KLC1: variants seen among roughly 807,000 people sequenced by gnomAD.
The protein encoded by KLC1 is kinesin 2 60/70kDa.
In KLC1, 30 loss-of-function variants were observed where a neutral mutation model predicts 84.2. The ratio of observed to expected loss-of-function variants is 0.36; its 90% CI spans 0.27 to 0.48. The LOEUF (loss-of-function observed/expected upper bound fraction) is 0.48, where lower values mean the gene tolerates loss of function less well. Among genes scored for constraint, KLC1 ranks in the 20% least tolerant of loss-of-function variants. KLC1 has a pLI of 0.99. For missense variants in KLC1, 499 were observed against 805.4 expected, an observed-to-expected ratio of 0.62 and a Z score of 4.60; for synonymous variants, 289 against 293.3, an observed-to-expected ratio of 0.99 and a Z score of 0.15.
intron 14 of KLC1, among the ~76,000 whole-genome samples, chr14:103,691,934 C>T (rs961629158): frequency 1.3e-5 from 2 of 151,852 alleles, no homozygotes; most frequent in African/African-American, 4.8e-5. Flanking sequence ...CCACGCCTGG[C>T]TAATTTTTGT....
In KLC1 at chr14:103,630,661, GCTT is replaced by G. The variant is rs373886469; in HGVS notation, c.-2+1171_-2+1173del. On this transcript the variant is annotated intron_variant, in intron 1 of 16. Transcript: ENST00000334553. ...GAAGTTATATTACAGACATGGCCTT[GCTT>G]CTTTCAGGGATTGTCAGCAAGCCTG... Among the ~76,000 whole-genome samples the G allele has an allele frequency of 5.1e-3, 773 of 152,264 alleles. 11 individuals carry two copies. Among genetic ancestry groups the G allele is most frequent in the African/African-American group, 0.017 (719 of 41,546 alleles).
intron 1 of KLC1, among the ~76,000 whole-genome samples, chr14:103,633,361 G>T (rs1349361682): frequency 6.6e-6 from 1 of 152,074 alleles, no homozygotes; most frequent in Non-Finnish European, 1.5e-5. Context: ...CTGGCCGGAG[G>T]GTTGGAAGAT....
rs749765355 is a variant in KLC1, at chr14:103,701,209, A to AC, written c.*12dup. On this transcript the variant is annotated 3_prime_UTR_variant, in exon 17 of 17. Transcript: ENST00000334553. ...TCTATCTTCTCTTGCAGTGACCCCG[A>AC]CCTGGCCCCGCTCCAGGATGGGACT... 1.3e-6 allele frequency: 2 copies of AC among 1,550,428 alleles called. No individual in the cohort carries two copies. Among genetic ancestry groups the AC allele is most frequent in the South Asian group, 2.4e-5 (2 of 84,006 alleles).
intron 14 of KLC1, chr14:103,687,452 A>G: frequency 5.2e-6 from 1 of 190,480 alleles, no homozygotes; most frequent in Non-Finnish European, 1.1e-5. Flanking sequence ...AATTTATGGA[A>G]TTTTTTGATT....
intron 13 of KLC1, 139 bp downstream of exon 13, chr14:103,679,684 C>T (rs766790946): frequency 1.6e-5 from 10 of 623,666 alleles, no homozygotes; most frequent in South Asian, 4.2e-5. Flanking sequence ...AAGTTCTTCA[C>T]TTCTGCTAAT....
rs568289275 is a variant in KLC1, at chr14:103,694,297, G to A, written c.1848+1872G>A. 15 of 972,760 alleles carry A rather than the reference G, an allele frequency of 1.5e-5. No homozygotes were observed. In the East Asian group the frequency reaches 1.5e-3, roughly 98 times the overall value. 60.3% of individuals were successfully genotyped at this position (972,760 alleles called of 1,614,324 possible). A position where few individuals can be genotyped will look rare whatever the true frequency, so the allele number is the denominator to read the frequency against. On this transcript the variant is annotated intron_variant, in intron 15 of 16. Transcript: ENST00000334553. The surrounding 1 kb of genome is among the most constrained non-coding windows in gnomAD (Gnocchi z 4.5). ...GACGGAGTCTAACTCTGTTGCCCAG[G>A]CTGGAGCGCAGTGGCCCAATCTCGG...
chr14:103,685,284 A>T, intron 13 of KLC1: 1 of 1,352,284 alleles, frequency 7.4e-7, no homozygotes, highest in South Asian at 1.7e-5. Context: ...TTTGGTCCCT[A>T]TGTTTTTCAT....
intron 15 of KLC1, chr14:103,695,179 G>A (rs1326450642): frequency 1.1e-6 from 1 of 886,474 alleles, no homozygotes; most frequent in African/African-American, 1.8e-5. Flanking sequence ...TATATGGCTG[G>A]GTGCGGTGGT....
chr14:103,682,143 G>A (rs2081394540), intron 13 of KLC1, among the ~76,000 whole-genome samples: 1 of 152,040 alleles, frequency 6.6e-6, no homozygotes, highest in African/African-American at 2.4e-5. Flanking sequence ...AGCTGAGGCG[G>A]GCAGATCACG....
chr14:103,646,628 AT>A (rs560648405), intron 1 of KLC1, among the ~76,000 whole-genome samples: 3 of 151,704 alleles, frequency 2.0e-5, no homozygotes, highest in Admixed American at 6.6e-5. Context: ...TGCCTAGCTA[AT>A]TTTTTTTCTT....
intron 15 of KLC1, chr14:103,695,286 C>A: frequency 1.5e-6 from 1 of 666,074 alleles, no homozygotes; most frequent in Non-Finnish European, 1.9e-6. Flanking sequence ...CACAGCGAGT[C>A]CCTGTGTCTA....
At position 103,696,597 on chromosome 14, in the gene KLC1, T is replaced by C. The variant is rs552389585; in HGVS notation, c.1849-4058T>C. 234 of 985,514 alleles carry C rather than the reference T, an allele frequency of 2.4e-4. No homozygotes were observed. In the South Asian group the frequency reaches 2.4e-3, roughly 10 times the overall value. 61.0% of individuals were successfully genotyped at this position (985,514 alleles called of 1,614,324 possible). On this transcript the variant is annotated intron_variant, in intron 15 of 16. Transcript: ENST00000334553. Reference sequence around the variant, plus strand: ...ACGCTGTGGTCAGATTTCTGAATGCTGTAGAGCACTTACCAGCTCTGACCG... The same window carrying C: ...ACGCTGTGGTCAGATTTCTGAATGCCGTAGAGCACTTACCAGCTCTGACCG...
rs543642766 is a variant in KLC1, at chr14:103,660,064, G to T, written c.493-2052G>T. 2.0e-5 allele frequency among the ~76,000 whole-genome samples: 3 copies of T among 152,274 alleles called. No homozygotes were observed. In the South Asian group the frequency reaches 6.2e-4, roughly 32 times the overall value. On this transcript the variant is annotated intron_variant, in intron 3 of 16. Coordinates refer to ENST00000334553, the MANE Select transcript of KLC1 (RefSeq NM_001394837.1). ...ATCTCTAAATACCATTACACTGGGG[G>T]TTAGGGCTTTAACATAGGAATTTGG...
At chr14:103,633,711 C>A (rs1253922747) in intron 1 of KLC1, among the ~76,000 whole-genome samples, 1 of 152,062 alleles carries the variant, frequency 6.6e-6, no homozygotes, top group Non-Finnish European at 1.5e-5. Context: ...CTGCTCTGGC[C>A]CTACTCAAGC....
intron 1 of KLC1, among the ~76,000 whole-genome samples, chr14:103,652,532 C>T (rs895571801): frequency 6.6e-6 from 1 of 151,940 alleles, no homozygotes; most frequent in Non-Finnish European, 1.5e-5. Flanking sequence ...TCCTCTGTTG[C>T]CCAGGCTGGA....
At chr14:103,699,898 G>A (rs2082990851) in intron 15 of KLC1, 8 of 403,838 alleles carry the variant, frequency 2.0e-5, no homozygotes, top group South Asian at 8.8e-5. Context: ...GAGTCCTTGC[G>A]GGGGTCTGCT....
intron 3 of KLC1, among the ~76,000 whole-genome samples, chr14:103,658,033 T>C (rs1284195606): frequency 6.6e-6 from 1 of 152,216 alleles, no homozygotes; most frequent in Non-Finnish European, 1.5e-5. Context: ...TTGGCTTCCA[T>C]GCCATCAGCT....
At chr14:103,700,515 T>C in intron 15 of KLC1, 140 bp from the exon 16 acceptor site, 1 of 609,906 alleles carries the variant, frequency 1.6e-6, no homozygotes, top group Non-Finnish European at 2.8e-6. Context: ...TCTGGCCAGA[T>C]GGAGGCTGCT....
At chr14:103,677,329 TGTTA>T (rs2080987916) in intron 11 of KLC1, 82 bp from the exon 12 acceptor site, 5 of 803,642 alleles carry the variant, frequency 6.2e-6, no homozygotes, top group Non-Finnish European at 1.1e-5. Flanking sequence ...AACAGAAGTC[TGTTA>T]GTTCTTTAGA....
Sources: gnomAD v4.1 joint callset for allele counts (sites outside exome capture counted in the v4.1 genomes callset) on GRCh38, gnomAD v4.1.1 for gene constraint, Gnocchi (gnomAD v3.1) non-coding constraint, MANE v1.5 for transcripts, NCBI Gene and HGNC (gene_info 2026-07-23, HGNC 2026-07-21) for gene names.